Variants in CCS observed in about 807,000 individuals in gnomAD.
CCS encodes the protein copper chaperone for superoxide dismutase.
CCS carries 32 observed loss-of-function variants against 35.5 expected under a neutral mutation model. The ratio of observed to expected loss-of-function variants is 0.90; its 90% CI spans 0.68 to 1.21. CCS has a LOEUF of 1.21. Ranked by LOEUF, CCS falls within the 50% of genes most tolerant of loss-of-function variation. The pLI is 0.00. For synonymous variants in CCS, 130 were observed against 147.2 expected (o/e 0.88, Z 0.84); for missense variants, 342 against 375.4 (o/e 0.91, Z 0.73).
rs1858652882 is a variant in CCS at position 66,605,961 on chromosome 11, C to T, written c.*106C>T. Reference sequence around the variant, plus strand: ...TGCCCAGTCTTTGGAGAGCTCAGTACAGGGCAGGAGCTGCTGTGGTGTTCC... The same window carrying T: ...TGCCCAGTCTTTGGAGAGCTCAGTATAGGGCAGGAGCTGCTGTGGTGTTCC... On this transcript the variant is annotated 3_prime_UTR_variant, in exon 8 of 8. Transcript: ENST00000533244. The T allele has an allele frequency of 1.4e-5, 17 of 1,226,066 alleles. No individual in the cohort carries two copies. The highest frequency in any genetic ancestry group is 3.6e-5 in the South Asian group (2 of 55,034). The allele number at this position is 1,226,066 out of a possible 1,614,324, so 75.9% of individuals were successfully genotyped here.
At chr11:66,596,775 G>A (rs1350451408) in intron 2 of CCS, among the ~76,000 whole-genome samples, 1 of 152,210 alleles carries the variant, frequency 6.6e-6, no homozygotes, top group Non-Finnish European at 1.5e-5. Context: ...TGTAGTCAGT[G>A]CAATGTGAAT....
intron 2 of CCS, 23 bp from the exon 3 acceptor site, chr11:66,599,093 C>T (rs772858532): frequency 6.2e-7 from 1 of 1,614,030 alleles, no homozygotes; most frequent in Non-Finnish European, 8.5e-7. Context: ...CTCTGTTGCC[C>T]TCTTCCCTCT....
chr11:66,599,315 C>G (rs1590829684), intron 3 of CCS, 62 bp downstream of exon 3: 1 of 1,523,558 alleles, frequency 6.6e-7, no homozygotes, highest in East Asian at 2.3e-5. Context: ...TGGTACAAAT[C>G]TAATCATAGG....
chr11:66,593,299 C>G lies in CCS; in HGVS notation c.38C>G (p.Thr13Arg). ...SDSGNQGTLCTLEFAVQMTCQ... is the reference protein window; with the variant it reads ...SDSGNQGTLCRLEFAVQMTCQ... ...TCGGGGAACCAGGGGACCCTCTGCA[C>G]GGTGAGGGTCGAGGCTTCGTGTGGA... Residue 13 changes from threonine to arginine, a missense_variant and splice_region_variant, in exon 1 of 8, where the codon ACG (threonine) becomes AGG (arginine). By Grantham distance (71) the Thr-to-Arg change is moderately conservative. Transcript: ENST00000533244. 6.5e-7 allele frequency: 1 copy of G among 1,542,858 alleles called. No individual in the cohort carries two copies. Among genetic ancestry groups the G allele is most frequent in the East Asian group, 2.4e-5 (1 of 41,642 alleles).
intron 2 of CCS, among the ~76,000 whole-genome samples, chr11:66,594,308 G>A (rs1419467657): frequency 6.6e-6 from 1 of 152,100 alleles, no homozygotes; most frequent in Non-Finnish European, 1.5e-5. Context: ...GCAGTTAGCC[G>A]AGATCGCGCC....
chr11:66,604,949 CA>C (rs1858629962), intron 5 of CCS, among the ~76,000 whole-genome samples: 1 of 152,204 alleles, frequency 6.6e-6, no homozygotes, highest in South Asian at 2.1e-4. Context: ...CAGGAGGCTG[CA>C]CAACTGAGCT....
chr11:66,605,699 C>T lies in CCS; in HGVS notation c.672-3C>T. The stretch of plus-strand genomic sequence containing the variant: ...CCACCCCTGACCACACATTCTTCTG[C>T]AGGTTGGCCTGTGGCATCATTGCAC... On this transcript the variant is annotated splice_region_variant and splice_polypyrimidine_tract_variant and intron_variant, in intron 7 of 7. Transcript: ENST00000533244. 6.3e-7 allele frequency: 1 copy of T among 1,577,902 alleles called. No homozygotes were observed.
In CCS at chr11:66,593,695, A is replaced by G; in HGVS notation, c.93A>G (p.Lys31=). 1.2e-6 allele frequency: 2 copies of G among 1,614,038 alleles called. No homozygotes were observed. The highest frequency in any genetic ancestry group is 2.2e-5 in the East Asian group (1 of 44,850). The change falls in exon 2 of 8, where the codon AAA becomes AAG. Residue 31 remains lysine, a synonymous_variant. Transcript: ENST00000533244. The part of the protein sequence containing the change: ...TCQSCVDAVR[K]SLQGVAGVQD... The stretch of plus-strand genomic sequence containing the variant: ...AGAGCTGTGTGGACGCGGTGCGCAA[A>G]TCCCTGCAAGGGGTGGCAGGTAAGA...
intron 1 of CCS, 75 bp downstream of exon 1, chr11:66,593,375 A>G: frequency 7.1e-7 from 1 of 1,412,668 alleles, no homozygotes. Context: ...TACCTTGGGA[A>G]GAGGAGAAGG....
chr11:66,595,950 G>A (rs1858469517), intron 2 of CCS, among the ~76,000 whole-genome samples: 1 of 152,188 alleles, frequency 6.6e-6, no homozygotes, highest in Admixed American at 6.5e-5. Flanking sequence ...TATCTGCTAT[G>A]TGTCCAAAAC....
At chr11:66,605,114 C>T in intron 5 of CCS, 1 of 1,511,708 alleles carries the variant, frequency 6.6e-7, no homozygotes, top group Non-Finnish European at 8.8e-7. Flanking sequence ...AGGGAGTGTT[C>T]AGATGGTCCG....
chr11:66,605,177 G>A, intron 5 of CCS, 162 bp from the exon 6 acceptor site: 3 of 1,537,836 alleles, frequency 2.0e-6, no homozygotes, highest in Non-Finnish European at 2.6e-6. Context: ...GACCTTGCCT[G>A]CCCAGTCCTT....
At chr11:66,604,640 C>G (rs1443417181) in intron 5 of CCS, among the ~76,000 whole-genome samples, 1 of 152,198 alleles carries the variant, frequency 6.6e-6, no homozygotes, top group African/African-American at 2.4e-5. Context: ...TGGGCCCCCA[C>G]CATGTTCTGA....
intron 2 of CCS, among the ~76,000 whole-genome samples, chr11:66,594,321 T>C (rs552187711): frequency 4.7e-4 from 71 of 152,222 alleles, no homozygotes; most frequent in Middle Eastern, 3.4e-3. Context: ...ATCGCGCCAC[T>C]GCACTCTAGC....
At chr11:66,598,304 G>A (rs113385039) in intron 2 of CCS, among the ~76,000 whole-genome samples, 2 of 150,928 alleles carry the variant, frequency 1.3e-5, no homozygotes, top group Non-Finnish European at 3.0e-5. Flanking sequence ...GAGTTCGAGA[G>A]CAGCCTGGCC....
At chr11:66,603,077 C>T (rs1858595617) in intron 5 of CCS, among the ~76,000 whole-genome samples, 1 of 152,236 alleles carries the variant, frequency 6.6e-6, no homozygotes, top group Non-Finnish European at 1.5e-5. Flanking sequence ...CCAGGCCATG[C>T]CCCTGCCTGA....
Position 66,605,389 on chromosome 11 carries a change from C to G in CCS, c.540C>G (p.Ile180Met). 1 of 1,614,196 alleles carries G rather than the reference C, an allele frequency of 6.2e-7. No individual in the cohort carries two copies. Among genetic ancestry groups the G allele is most frequent in the Non-Finnish European group, 8.5e-7 (1 of 1,180,048 alleles). The change falls in exon 6 of 8, where the codon ATC becomes ATG. Residue 180 changes from isoleucine (I) to methionine (M), a missense_variant. Physicochemically the swap from Ile to Met is conservative, Grantham distance 10. Transcript: ENST00000533244. Reference protein sequence around the residue: ...NVRADADGRAIFRMEDEQLKV... With the variant: ...NVRADADGRAMFRMEDEQLKV... ...GTGCTGATGCTGACGGCCGCGCCATCTTCAGAATGGAGGATGAGCAGCTGA... is the reference window on the plus strand; with the variant it reads ...GTGCTGATGCTGACGGCCGCGCCATGTTCAGAATGGAGGATGAGCAGCTGA...
chr11:66,603,801 G>A (rs1294721670), intron 5 of CCS, among the ~76,000 whole-genome samples: 2 of 151,188 alleles, frequency 1.3e-5, no homozygotes, highest in South Asian at 2.1e-4. Flanking sequence ...AGCCGAGGTC[G>A]CGCCACTGCA....
At chr11:66,604,047 TAAATA>T (rs1565062398) in intron 5 of CCS, among the ~76,000 whole-genome samples, 2 of 150,164 alleles carry the variant, frequency 1.3e-5, no homozygotes, top group South Asian at 2.1e-4. Flanking sequence ...AATAAATAAA[TAAATA>T]AATTAATTAA....
Sources: gnomAD v4.1 joint callset for allele counts (sites outside exome capture counted in the v4.1 genomes callset) on GRCh38, gnomAD v4.1.1 for gene constraint, MANE v1.5 for transcripts, NCBI Gene and HGNC (gene_info 2026-07-23, HGNC 2026-07-21) for gene names.